SMARCA5: variants seen among roughly 807,000 people sequenced by gnomAD.
SMARCA5 encodes the protein SNF2 related chromatin remodeling ATPase 5, also known as SWI/SNF-related matrix-associated actin-dependent regulator of chromatin subfamily A member 5.
A neutral mutation model predicts 140.4 loss-of-function variants in SMARCA5; 18 were observed. That is an observed-to-expected ratio of 0.13 (90% CI 0.09 to 0.19). The LOEUF is 0.19. Among genes scored for constraint, SMARCA5 ranks in the 10% least tolerant of loss-of-function variants. SMARCA5 has a pLI of 1.00. For synonymous variants in SMARCA5, 449 were observed against 419.6 expected (o/e 1.07, Z -0.86); for missense variants, 606 against 1,276.8 (o/e 0.47, Z 8.01).
At chr4:143,549,883 AG>A (rs2149825574) in intron 22 of SMARCA5, 113 bp from the exon 23 acceptor site, 1 of 438,328 alleles carries the variant, frequency 2.3e-6, no homozygotes, top group Non-Finnish European at 4.2e-6. Flanking sequence ...TTTTTAAATC[AG>A]GGGTGTATTA....
intron 8 of SMARCA5, 99 bp downstream of exon 8, chr4:143,528,813 T>G: frequency 1.0e-6 from 1 of 1,001,706 alleles, no homozygotes; most frequent in Non-Finnish European, 1.4e-6. Context: ...TGGCTTGAGG[T>G]TATTATTAAT....
At chr4:143,527,563 C>T (rs1342609144) in intron 6 of SMARCA5, among the ~76,000 whole-genome samples, 4 of 152,058 alleles carry the variant, frequency 2.6e-5, no homozygotes, top group Non-Finnish European at 5.9e-5. Flanking sequence ...TCTTTTTTGT[C>T]TAAACCTGCC....
intron 23 of SMARCA5, 115 bp from the exon 24 acceptor site, chr4:143,553,004 T>A: frequency 1.4e-6 from 1 of 740,682 alleles, no homozygotes; most frequent in South Asian, 1.6e-5. Flanking sequence ...GGGGGAAAAG[T>A]CTCATACCTA....
At position 143,525,555 on chromosome 4, in the gene SMARCA5, T is replaced by C. The variant is rs765362294; in HGVS notation, c.621+4T>C. On this transcript the variant is annotated splice_donor_region_variant and intron_variant, in intron 5 of 23. Coordinates refer to ENST00000283131, the MANE Select transcript of SMARCA5 (RefSeq NM_003601.4). ...TGGTATCCTTGCAGATGAAATGGTA[T>C]GTGTTGGTAGTTTTTTTTGAAGGGT... is the stretch of plus-strand genomic sequence containing the variant. 3.8e-6 allele frequency: 6 copies of C among 1,584,252 alleles called. No individual in the cohort carries two copies. The highest frequency in any genetic ancestry group is 3.3e-5 in the Admixed American group (2 of 59,974).
intron 2 of SMARCA5, among the ~76,000 whole-genome samples, chr4:143,518,694 T>G (rs1736893350): frequency 2.0e-5 from 3 of 152,154 alleles, no homozygotes; most frequent in Admixed American, 1.3e-4. Context: ...ATAAATGATA[T>G]ATCTTTAGGT....
rs1737050031 is a variant in SMARCA5, at chr4:143,525,447, T to G, written c.521-4T>G. 3 of 1,595,100 alleles carry G rather than the reference T, an allele frequency of 1.9e-6. 1 individual carries two copies. In the East Asian group the frequency reaches 6.7e-5, roughly 36 times the overall value. ...TGCCTATTGTGCTTTTCTTTTGTTC[T>G]TAGATGTAAAATGGGGTAAACTGAG... On this transcript the variant is annotated splice_polypyrimidine_tract_variant and splice_region_variant and intron_variant, in intron 4 of 23. Transcript: ENST00000283131.
intron 2 of SMARCA5, among the ~76,000 whole-genome samples, chr4:143,517,759 T>C (rs1347934713): frequency 6.6e-6 from 1 of 152,160 alleles, no homozygotes; most frequent in Non-Finnish European, 1.5e-5. Context: ...AATCACCTCT[T>C]ATTAGGCCCT....
chr4:143,544,842 C>G lies in SMARCA5; in HGVS notation c.2278C>G (p.Pro760Ala). The stretch of plus-strand genomic sequence containing the variant: ...TCTTCGTGTTAGTGAACCTAAAGCA[C>G]CCAAGGTGAGTTGACTGACACAGCA... The part of the protein sequence containing the change: ...EALRVSEPKA[P>A]KAPRPPKQPN... Residue 760 changes from proline (P) to alanine (A), a missense_variant, in exon 17 of 24, where the codon CCC becomes GCC. By Grantham distance (27) the Pro-to-Ala change is conservative. This residue lies in a region of SMARCA5 where 62 missense variants were observed against 256.6 expected (regional missense o/e 0.24). Coordinates refer to ENST00000283131, the MANE Select transcript of SMARCA5 (RefSeq NM_003601.4). The G allele has an allele frequency of 6.4e-7, 1 of 1,569,626 alleles. No homozygotes were observed. Among genetic ancestry groups the G allele is most frequent in the South Asian group, 1.1e-5 (1 of 88,640 alleles).
intron 22 of SMARCA5, 155 bp downstream of exon 22, chr4:143,548,295 G>A (rs1737571161): frequency 2.0e-6 from 1 of 506,424 alleles, no homozygotes; most frequent in Non-Finnish European, 3.5e-6. Flanking sequence ...TAGCTTACAA[G>A]TTTATTGGTC....
intron 3 of SMARCA5, among the ~76,000 whole-genome samples, chr4:143,521,893 C>CAAAAAAA (rs58679947): frequency 8.9e-5 from 4 of 44,790 alleles, no homozygotes; most frequent in Non-Finnish European, 1.3e-4. Flanking sequence ...CCCATCTCTA[C>CAAAAAAA]AAAAAAAAAA....
intron 5 of SMARCA5, among the ~76,000 whole-genome samples, 185 bp from the exon 6 acceptor site, chr4:143,526,096 T>G (rs1007739196): frequency 2.6e-5 from 4 of 152,200 alleles, no homozygotes; most frequent in African/African-American, 7.2e-5. Flanking sequence ...AATACCTCCT[T>G]TAGAGACTTG....
chr4:143,515,844 C>A (rs1218497529), intron 1 of SMARCA5, among the ~76,000 whole-genome samples: 3 of 151,802 alleles, frequency 2.0e-5, no homozygotes, highest in Admixed American at 2.0e-4. Flanking sequence ...CATGTTCTTA[C>A]CAAAAAAAAC....
chr4:143,525,486 C>A lies in SMARCA5; in HGVS notation c.556C>A (p.Arg186=). The A allele has an allele frequency of 6.2e-7, 1 of 1,613,104 alleles. No homozygotes were observed. The highest frequency in any genetic ancestry group is 1.1e-5 in the South Asian group (1 of 91,062). Residue 186 remains arginine (R), a synonymous_variant, in exon 5 of 24, where the codon CGA becomes AGA. Transcript: ENST00000283131. ...GGGTAAACTGAGAGATTATCAGGTC[C>A]GAGGATTAAACTGGCTCATTTCTTT... The part of the protein sequence containing the change: ...KWGKLRDYQV[R]GLNWLISLYE...
chr4:143,526,593 G>C (rs950421346), intron 6 of SMARCA5, 133 bp downstream of exon 6: 3 of 643,586 alleles, frequency 4.7e-6, no homozygotes, highest in Non-Finnish European at 7.9e-6. Context: ...ATGTAGCATT[G>C]TCTTGGTGGA....
rs899623726 is a variant in SMARCA5 at position 143,553,813 on chromosome 4, T to G, written c.*629T>G. The G allele has an allele frequency of 6.6e-6, 1 of 152,084 alleles. No individual in the cohort carries two copies. Among genetic ancestry groups the G allele is most frequent in the Non-Finnish European group, 1.5e-5 (1 of 67,942 alleles). The allele number at this position is 152,084 out of a possible 1,614,324, so 9.4% of individuals were successfully genotyped here. A position where few individuals can be genotyped will look rare whatever the true frequency, so the allele number is the denominator to read the frequency against. On this transcript the variant is annotated 3_prime_UTR_variant, in exon 24 of 24. Transcript: ENST00000283131. ...TTCTTTTGAAAGAATGGCCTTTTAG[T>G]TGTATAGCCAAAGACATTTAGTATT...
chr4:143,551,055 A>T (rs1386751096), intron 23 of SMARCA5, among the ~76,000 whole-genome samples: 4 of 152,054 alleles, frequency 2.6e-5, no homozygotes, highest in African/African-American at 9.7e-5. Flanking sequence ...TTTTCTCCAC[A>T]TTCTTGTCAG....
chr4:143,536,433 G>A lies in SMARCA5; in HGVS notation c.1269-19G>A, dbSNP rs1737307068. ...CAAGGAACATTTGAGCTCTAAAAAT[G>A]TTTTTCTTCTTTGAATAGGTATACT... On this transcript the variant is annotated intron_variant, in intron 10 of 23. Coordinates refer to ENST00000283131, the MANE Select transcript of SMARCA5 (RefSeq NM_003601.4). The A allele has an allele frequency of 6.4e-7, 1 of 1,555,438 alleles. No individual in the cohort carries two copies. Among genetic ancestry groups the A allele is most frequent in the Non-Finnish European group, 8.9e-7 (1 of 1,127,106 alleles).
At chr4:143,533,196 G>A (rs905818342) in intron 9 of SMARCA5, among the ~76,000 whole-genome samples, 1 of 152,246 alleles carries the variant, frequency 6.6e-6, no homozygotes, top group East Asian at 1.9e-4. Flanking sequence ...TGCATATTGA[G>A]TGAGTCCATG....
At chr4:143,535,712 A>G (rs1380250321) in intron 10 of SMARCA5, among the ~76,000 whole-genome samples, 4 of 152,162 alleles carry the variant, frequency 2.6e-5, no homozygotes, top group Non-Finnish European at 5.9e-5. Context: ...CAGAATTGAG[A>G]TGGAAAGGTC....
Sources: gnomAD v4.1 joint callset for allele counts (sites outside exome capture counted in the v4.1 genomes callset) on GRCh38, gnomAD v4.1.1 for gene constraint, gnomAD v4.1.1 regional missense constraint, MANE v1.5 for transcripts, NCBI Gene and HGNC (gene_info 2026-07-23, HGNC 2026-07-21) for gene names.